The following SLIT3 variants were observed in gnomAD, a reference collection of about 807,000 sequenced individuals.
The protein encoded by SLIT3 is slit homolog 3 protein.
SLIT3 carries 68 observed loss-of-function variants against 184.0 expected under a neutral mutation model. The observed-to-expected ratio is 0.37, with a 90% CI of 0.30 to 0.45. The LOEUF (loss-of-function observed/expected upper bound fraction) is 0.45. SLIT3 is among the 20% of genes least tolerant of loss of function. SLIT3 has a pLI of 1.00. For missense variants in SLIT3, 1,707 were observed against 2,026.0 expected (o/e 0.84, Z 3.02); for synonymous variants, 831 against 828.6 (o/e 1.00, Z -0.05).
At chr5:169,112,922 G>T (rs1452203898) in intron 4 of SLIT3, among the ~76,000 whole-genome samples, 1 of 152,040 alleles carries the variant, frequency 6.6e-6, no homozygotes, top group East Asian at 1.9e-4. Context: ...CACCCCTCAG[G>T]CCTAGGGGTA....
rs192926196 is a variant in SLIT3 at position 168,967,015 on chromosome 5, A to G, written c.414-83679T>C. On this transcript the variant is annotated intron_variant, in intron 4 of 35. Coordinates refer to ENST00000519560, the MANE Select transcript of SLIT3 (RefSeq NM_003062.4). ...ATATATGTACAAGGATGTTCCCTGG[A>G]GCACTTTGGATGATGGAAAAAATTG... 3.3e-4 allele frequency among the ~76,000 whole-genome samples: 50 copies of G among 152,330 alleles called. No homozygotes were observed. In the East Asian group the frequency reaches 9.1e-3, roughly 28 times the overall value.
intron 1 of SLIT3, among the ~76,000 whole-genome samples, chr5:169,262,632 T>A (rs73319560): frequency 2.9e-4 from 44 of 152,180 alleles, no homozygotes; most frequent in African/African-American, 1.0e-3. Context: ...CTCATTCCCC[T>A]GCCATCAATC....
intron 4 of SLIT3, among the ~76,000 whole-genome samples, chr5:168,978,083 T>C (rs1754828827): frequency 6.6e-6 from 1 of 152,068 alleles, no homozygotes; most frequent in African/African-American, 2.4e-5. Flanking sequence ...CATCTGACAA[T>C]CCCACACAGA....
intron 4 of SLIT3, among the ~76,000 whole-genome samples, chr5:168,984,243 G>A (rs918422050): frequency 6.6e-6 from 1 of 152,184 alleles, no homozygotes; most frequent in Non-Finnish European, 1.5e-5. Flanking sequence ...GTAAATTAAA[G>A]TGCTGGTGAG....
At chr5:169,201,901 T>C (rs1225966469) in intron 3 of SLIT3, among the ~76,000 whole-genome samples, 1 of 152,222 alleles carries the variant, frequency 6.6e-6, no homozygotes, top group East Asian at 1.9e-4. Flanking sequence ...GAGGACTATC[T>C]TAACCACCAG....
chr5:168,808,330 A>G (rs1449494170), intron 8 of SLIT3, among the ~76,000 whole-genome samples: 1 of 151,628 alleles, frequency 6.6e-6, no homozygotes, highest in East Asian at 1.9e-4. Context: ...CAGGAATGGG[A>G]GAGTGTTGGG....
chr5:168,982,173 A>G (rs1366667520), intron 4 of SLIT3, among the ~76,000 whole-genome samples: 1 of 152,192 alleles, frequency 6.6e-6, no homozygotes, highest in Non-Finnish European at 1.5e-5. Flanking sequence ...TCTATTCTGT[A>G]TATCTGCTAT....
chr5:169,215,696 G>A (rs1395394818), intron 3 of SLIT3, among the ~76,000 whole-genome samples: 1 of 152,124 alleles, frequency 6.6e-6, no homozygotes, highest in Non-Finnish European at 1.5e-5. Flanking sequence ...AGAATGCTTT[G>A]TACATCAAAG....
intron 4 of SLIT3, among the ~76,000 whole-genome samples, chr5:169,071,234 T>C (rs928420517): frequency 2.6e-5 from 4 of 152,224 alleles, no homozygotes; most frequent in African/African-American, 7.2e-5. Context: ...AAGTGCCATG[T>C]TGGCTTCAGT....
chr5:169,004,178 C>A (rs999102966), intron 4 of SLIT3, among the ~76,000 whole-genome samples: 9 of 151,982 alleles, frequency 5.9e-5, no homozygotes, highest in African/African-American at 2.2e-4. Context: ...AACACACACA[C>A]CAAAAAACAG....
chr5:169,011,555 T>A (rs1756153424), intron 4 of SLIT3, among the ~76,000 whole-genome samples: 1 of 151,848 alleles, frequency 6.6e-6, no homozygotes, highest in African/African-American at 2.4e-5. Flanking sequence ...CTATCAGAGG[T>A]CCCTTGTAGA....
intron 3 of SLIT3, among the ~76,000 whole-genome samples, chr5:169,205,439 A>G (rs1263816257): frequency 6.6e-6 from 1 of 152,168 alleles, no homozygotes; most frequent in African/African-American, 2.4e-5. Flanking sequence ...TGGTTTCTTC[A>G]TGTGAAAATG....
At chr5:168,860,045 A>G (rs1388999253) in intron 5 of SLIT3, among the ~76,000 whole-genome samples, 1 of 152,120 alleles carries the variant, frequency 6.6e-6, no homozygotes, top group Non-Finnish European at 1.5e-5. Context: ...ACAAAATCAG[A>G]GTTACTATGA....
At chr5:169,057,802 G>A (rs13155694) in intron 4 of SLIT3, among the ~76,000 whole-genome samples, 6,695 of 152,272 alleles carry the variant, frequency 0.044, 190 homozygotes, top group Middle Eastern at 0.11. Context: ...TATGTGGGGC[G>A]ACCTCTGTGA....
chr5:169,038,449 T>C (rs1388744814), intron 4 of SLIT3, among the ~76,000 whole-genome samples: 1 of 152,206 alleles, frequency 6.6e-6, no homozygotes, highest in Admixed American at 6.5e-5. Flanking sequence ...AACATATGTG[T>C]AAATAAGAAG....
intron 32 of SLIT3, among the ~76,000 whole-genome samples, chr5:168,676,703 T>C (rs1036439971): frequency 1.4e-5 from 2 of 143,996 alleles, no homozygotes; most frequent in Non-Finnish European, 3.0e-5. Context: ...GCAAATGAGC[T>C]CACCACCCTG....
rs912019070 is a variant in SLIT3, at chr5:168,967,509, G to A, written c.414-84173C>T. ...GGCTGGAGTGCAGTGGCGGGATCTC[G>A]GCTCACTGCAAGCTCCGCCTCCCGG... On this transcript the variant is annotated intron_variant, in intron 4 of 35. Coordinates refer to ENST00000519560, the MANE Select transcript of SLIT3 (RefSeq NM_003062.4). 7.1e-3 allele frequency among the ~76,000 whole-genome samples: 735 copies of A among 103,476 alleles called. 11 individuals are homozygous for A. The highest frequency in any genetic ancestry group is 0.024 in the African/African-American group (688 of 28,160). 67.9% of individuals were successfully genotyped at this position (103,476 alleles called of 152,430 possible).
chr5:168,848,161 T>C (rs1758547606), intron 5 of SLIT3, among the ~76,000 whole-genome samples: 1 of 152,162 alleles, frequency 6.6e-6, no homozygotes, highest in Non-Finnish European at 1.5e-5. Flanking sequence ...TGGTCACCAA[T>C]GGTTGCAGAA....
At chr5:169,226,220 G>C (rs966211374) in intron 3 of SLIT3, among the ~76,000 whole-genome samples, 2 of 152,136 alleles carry the variant, frequency 1.3e-5, no homozygotes, top group African/African-American at 4.8e-5. Context: ...AGAGAAACCA[G>C]AGCTCTCAGG....
Sources: allele counts gnomAD v4.1 joint callset (sites outside exome capture counted in the v4.1 genomes callset), GRCh38; gene constraint gnomAD v4.1.1; transcripts MANE v1.5; gene names NCBI Gene and HGNC (gene_info 2026-07-23, HGNC 2026-07-21).